ZBTB7C: variants seen among roughly 807,000 people sequenced by gnomAD.
ZBTB7C encodes the protein zinc finger and BTB domain containing 7C.
In ZBTB7C, 8 loss-of-function variants were observed where a neutral mutation model predicts 25.7. The ratio of observed to expected loss-of-function variants is 0.31; its 90% confidence interval spans 0.18 to 0.56. ZBTB7C has a LOEUF of 0.56. ZBTB7C is among the 20% of genes least tolerant of loss of function. The pLI is 0.91. For missense variants in ZBTB7C, 824 were observed against 855.2 expected, an observed-to-expected ratio of 0.96 and a Z score of 0.46; for synonymous variants, 394 against 369.0, an observed-to-expected ratio of 1.07 and a Z score of -0.78.
At chr18:48,110,787 G>C (rs1019175917) in intron 3 of ZBTB7C, among the ~76,000 whole-genome samples, 6 of 152,278 alleles carry the variant, frequency 3.9e-5, no homozygotes, top group Non-Finnish European at 8.8e-5. Flanking sequence ...GTCATGGGAG[G>C]GTTGCTGGAA....
intron 3 of ZBTB7C, among the ~76,000 whole-genome samples, chr18:48,090,376 G>T (rs1214618968): frequency 6.6e-6 from 1 of 152,190 alleles, no homozygotes; most frequent in Non-Finnish European, 1.5e-5. Context: ...CTTGCCCAGG[G>T]AGTTAAAAGT....
chr18:48,072,837 T>C (rs953478477), intron 3 of ZBTB7C, among the ~76,000 whole-genome samples: 9 of 152,228 alleles, frequency 5.9e-5, no homozygotes, highest in African/African-American at 1.9e-4. Context: ...CGCTTCATCC[T>C]TGGGCTGGGA....
chr18:48,055,799 C>T (rs1281652762), intron 3 of ZBTB7C, among the ~76,000 whole-genome samples: 3 of 152,140 alleles, frequency 2.0e-5, no homozygotes, highest in Admixed American at 6.5e-5. Flanking sequence ...TACCACCGCT[C>T]GTCGTCTTGC....
chr18:48,225,871 T>A (rs761107481), intron 2 of ZBTB7C, among the ~76,000 whole-genome samples: 130 of 152,222 alleles, frequency 8.5e-4, no homozygotes, highest in Non-Finnish European at 1.1e-3. Context: ...GCCTCCCGAG[T>A]AGCTGGGACT....
chr18:48,029,092 G>T lies in ZBTB7C; in HGVS notation c.*168C>A. 9.8e-7 allele frequency: 1 copy of T among 1,023,496 alleles called. No individual in the cohort carries two copies. The highest frequency in any genetic ancestry group is 1.3e-6 in the Non-Finnish European group (1 of 751,390). The allele number at this position is 1,023,496 out of a possible 1,614,324, so 63.4% of individuals were successfully genotyped here. A position where few individuals can be genotyped will look rare whatever the true frequency, so the allele number is the denominator to read the frequency against. ...CGTCTCAGACCAGCAAAAGGAGGCA[G>T]CTGCTTTAGGAGCCCGGGAAAATGC... is the stretch of plus-strand genomic sequence containing the variant. On this transcript the variant is annotated 3_prime_UTR_variant, in exon 5 of 5. Coordinates refer to ENST00000590800, the MANE Select transcript of ZBTB7C (RefSeq NM_001318841.2).
At chr18:48,295,543 G>A (rs932301233) in intron 2 of ZBTB7C, among the ~76,000 whole-genome samples, 2 of 152,048 alleles carry the variant, frequency 1.3e-5, no homozygotes, top group African/African-American at 4.8e-5. Flanking sequence ...AAGCCCAAGA[G>A]GACTCAGGCT....
chr18:48,240,442 G>A (rs1408990228), intron 2 of ZBTB7C, among the ~76,000 whole-genome samples: 1 of 152,150 alleles, frequency 6.6e-6, no homozygotes, highest in African/African-American at 2.4e-5. Context: ...ATAGCTGTGA[G>A]GCAAAAGCAT....
At chr18:48,170,926 C>G (rs1484885244) in intron 3 of ZBTB7C, among the ~76,000 whole-genome samples, 4 of 152,214 alleles carry the variant, frequency 2.6e-5, no homozygotes, top group Non-Finnish European at 5.9e-5. Flanking sequence ...AGCCCTCCCC[C>G]TGCCCCACAG....
At chr18:48,180,014 CCCTT>C (rs375803071) in intron 3 of ZBTB7C, among the ~76,000 whole-genome samples, 322 of 131,450 alleles carry the variant, frequency 2.4e-3, no homozygotes, top group East Asian at 8.2e-3. Context: ...AAGATATTTC[CCCTT>C]CCTTCCTTCC....
chr18:48,408,671 G>T (rs1599065312), intron 1 of ZBTB7C: 1 of 152,178 alleles, frequency 6.6e-6, no homozygotes, highest in African/African-American at 2.4e-5. Flanking sequence ...AAAGTCCCAG[G>T]AAAACGTCAC....
intron 3 of ZBTB7C, among the ~76,000 whole-genome samples, chr18:48,154,802 T>C (rs1250924790): frequency 6.6e-6 from 1 of 152,216 alleles, no homozygotes; most frequent in Non-Finnish European, 1.5e-5. Flanking sequence ...CAAGTGCCCC[T>C]GGCTGGCATC....
In ZBTB7C at chr18:48,218,717, A is replaced by C. The variant is rs545126503; in HGVS notation, c.-78-32722T>G. Among the ~76,000 whole-genome samples, 3 of 152,212 alleles carry C rather than the reference A, an allele frequency of 2.0e-5. No individual in the cohort carries two copies. The South Asian group carries it at 6.2e-4, about 32-fold the overall frequency. On this transcript the variant is annotated intron_variant, in intron 2 of 4. Transcript: ENST00000590800. ...TGGCCTAAGAACCTCCCTTTCATTC[A>C]CCTCAAGCCTTCTGCACCACTGCCG...
chr18:48,053,883 G>T (rs2036800792), intron 3 of ZBTB7C, among the ~76,000 whole-genome samples: 1 of 152,224 alleles, frequency 6.6e-6, no homozygotes, highest in Non-Finnish European at 1.5e-5. Flanking sequence ...CCAGGAAGGG[G>T]ACTCCTCCAA....
At chr18:48,207,094 T>C (rs2042592830) in intron 2 of ZBTB7C, among the ~76,000 whole-genome samples, 3 of 152,202 alleles carry the variant, frequency 2.0e-5, no homozygotes, top group East Asian at 1.9e-4. Context: ...TATAAGATCA[T>C]GCAAACACAA....
rs1472789411 is a variant in ZBTB7C at position 48,028,089 on chromosome 18, G to A, written c.*1171C>T. On this transcript the variant is annotated 3_prime_UTR_variant, in exon 5 of 5. Coordinates refer to ENST00000590800, the MANE Select transcript of ZBTB7C (RefSeq NM_001318841.2). ...GGGGACCATCACTAGCAATGCCAAG[G>A]CCCTGAGGAACCCTCAACTCAAAAA... 1 of 152,210 alleles carries A rather than the reference G, an allele frequency of 6.6e-6. No homozygotes were observed. The highest frequency in any genetic ancestry group is 1.5e-5 in the Non-Finnish European group (1 of 68,060). 9.4% of individuals were successfully genotyped at this position (152,210 alleles called of 1,614,324 possible). A position where few individuals can be genotyped will look rare whatever the true frequency, so the allele number is the denominator to read the frequency against.
intron 2 of ZBTB7C, among the ~76,000 whole-genome samples, chr18:48,221,355 G>GCTGTCCCTAGTCTCCTCTACA (rs562455873): frequency 8.6e-6 from 1 of 116,034 alleles, no homozygotes; most frequent in Non-Finnish European, 1.7e-5. Flanking sequence ...TCTCCTCTAC[G>GCTGTCCCTAGTCTCCTCTACA]CTGTCCCTAG....
intron 3 of ZBTB7C, among the ~76,000 whole-genome samples, chr18:48,070,893 C>T (rs963332141): frequency 8.5e-5 from 13 of 152,124 alleles, no homozygotes; most frequent in African/African-American, 3.1e-4. Flanking sequence ...CCTGGGGTCC[C>T]AGCCAATCTC....
At chr18:48,074,546 G>A (rs547017504) in intron 3 of ZBTB7C, among the ~76,000 whole-genome samples, 7 of 152,314 alleles carry the variant, frequency 4.6e-5, no homozygotes, top group African/African-American at 1.4e-4. Flanking sequence ...GCTCAGAACC[G>A]CACAGCCCTG....
chr18:48,400,995 C>A (rs779394066), intron 1 of ZBTB7C, among the ~76,000 whole-genome samples: 10 of 152,166 alleles, frequency 6.6e-5, no homozygotes, highest in African/African-American at 1.4e-4. Context: ...GTGCCCCCAG[C>A]AGTGACATCT....
Sources: allele counts gnomAD v4.1 joint callset (sites outside exome capture counted in the v4.1 genomes callset), GRCh38; gene constraint gnomAD v4.1.1; transcripts MANE v1.5; gene names NCBI Gene and HGNC (gene_info 2026-07-23, HGNC 2026-07-21).